Variants in SLCO3A1 observed in about 807,000 individuals in gnomAD.
SLCO3A1 encodes PGE1 transporter.
Under a neutral mutation model 63.1 loss-of-function variants are expected in SLCO3A1, and 27 were observed. The observed-to-expected ratio is 0.43, with a 90% CI of 0.32 to 0.59. The LOEUF is 0.59. Ranked by LOEUF, SLCO3A1 falls within the 20% of genes least tolerant of loss-of-function variation. The pLI is 0.09. For synonymous variants in SLCO3A1, 473 were observed against 409.9 expected (o/e 1.15, Z -1.86); for missense variants, 773 against 945.8 (o/e 0.82, Z 2.40).
intron 2 of SLCO3A1, among the ~76,000 whole-genome samples, chr15:92,091,338 C>A (rs950064447): frequency 6.6e-6 from 1 of 152,214 alleles, no homozygotes; most frequent in African/African-American, 2.4e-5. Flanking sequence ...CGGGCCGCTG[C>A]AGAAGGTTCT....
At chr15:91,869,731 A>C (rs953019030) in intron 1 of SLCO3A1, among the ~76,000 whole-genome samples, 2 of 152,056 alleles carry the variant, frequency 1.3e-5, no homozygotes, top group African/African-American at 4.8e-5. Flanking sequence ...TCATTTGGGA[A>C]GTAGACACCC....
rs62010874 is a variant in SLCO3A1 at position 91,860,800 on chromosome 15, G to A, written c.180+6712G>A. 0.018 allele frequency among the ~76,000 whole-genome samples: 2,684 copies of A among 152,308 alleles called. 28 individuals carry two copies. The highest frequency in any genetic ancestry group is 0.034 in the Middle Eastern group (10 of 294). On this transcript the variant is annotated intron_variant, in intron 1 of 9. Coordinates refer to ENST00000318445, the MANE Select transcript of SLCO3A1 (RefSeq NM_013272.4). This position sits in a 1 kb window ranked among gnomAD's most constrained non-coding sequence, Gnocchi z 5.5. ...ACGTCTTGTCTGCTGCCTTCACCTC[G>A]TGTTCTCTTGCAGTATTAAGTGGAC...
chr15:92,092,606 G>A (rs1007687750), intron 2 of SLCO3A1, among the ~76,000 whole-genome samples: 1 of 152,036 alleles, frequency 6.6e-6, no homozygotes, highest in Admixed American at 6.6e-5. Flanking sequence ...AATCTCTCTG[G>A]TCTAGTGTGG....
intron 2 of SLCO3A1, among the ~76,000 whole-genome samples, chr15:91,927,171 C>G (rs1211805964): frequency 2.6e-5 from 4 of 152,118 alleles, no homozygotes; most frequent in Non-Finnish European, 4.4e-5. Flanking sequence ...CCTCCACTCC[C>G]CCGAAAATTC....
At position 92,125,844 on chromosome 15, in the gene SLCO3A1, CAG is replaced by C. The variant is rs1266787895; in HGVS notation, c.1175-214_1175-213del. Among the ~76,000 whole-genome samples the C allele has an allele frequency of 2.6e-5, 4 of 152,026 alleles. No homozygotes were observed. In the East Asian group the frequency reaches 7.9e-4, roughly 30 times the overall value. On this transcript the variant is annotated intron_variant, in intron 5 of 9. Coordinates refer to ENST00000318445, the MANE Select transcript of SLCO3A1 (RefSeq NM_013272.4). The stretch of plus-strand genomic sequence containing the variant: ...GGTGCGTGCACTTAGATTCATGAAG[CAG>C]AGTTGCTTTATGTCTGTCTCCCCCA...
chr15:92,008,007 T>G (rs1208702586), intron 2 of SLCO3A1, among the ~76,000 whole-genome samples: 1 of 152,162 alleles, frequency 6.6e-6, no homozygotes, highest in Admixed American at 6.5e-5. Flanking sequence ...ATGTCTCCGA[T>G]GGGTCCAGAA....
intron 2 of SLCO3A1, among the ~76,000 whole-genome samples, chr15:92,038,404 T>C (rs1284797844): frequency 6.6e-6 from 1 of 152,074 alleles, no homozygotes; most frequent in Admixed American, 6.5e-5. Flanking sequence ...CATGCAAAAG[T>C]CTCAGGATAC....
chr15:92,120,539 A>G lies in SLCO3A1; in HGVS notation c.1084A>G (p.Ile362Val). The G allele has an allele frequency of 2.5e-6, 4 of 1,613,556 alleles. No homozygotes were observed. Among genetic ancestry groups the G allele is most frequent in the Non-Finnish European group, 3.4e-6 (4 of 1,179,808 alleles). Residue 362 changes from isoleucine to valine, a missense_variant, in exon 5 of 10, where the codon ATT becomes GTT. Physicochemically the swap from Ile to Val is conservative, Grantham distance 29 (BLOSUM62 3). Around this residue, in one of 3 missense-constraint regions of SLCO3A1, gnomAD observed 565 missense variants for 749.8 expected, o/e 0.75. Coordinates refer to ENST00000318445, the MANE Select transcript of SLCO3A1 (RefSeq NM_013272.4). ...TCIILAACMEIAVVAGFAAFL... is the reference protein window; with the variant it reads ...TCIILAACMEVAVVAGFAAFL... The stretch of plus-strand genomic sequence containing the variant: ...CATCATCCTGGCCGCCTGCATGGAG[A>G]TTGCAGTGGTGGCTGGCTTCGCTGC...
At chr15:91,869,992 G>A (rs758062471) in intron 1 of SLCO3A1, among the ~76,000 whole-genome samples, 9 of 152,164 alleles carry the variant, frequency 5.9e-5, no homozygotes, top group African/African-American at 9.7e-5. Flanking sequence ...GGGGAGAAGG[G>A]GGTCAGGGCA....
chr15:92,100,464 C>A (rs1203198717), intron 3 of SLCO3A1, among the ~76,000 whole-genome samples: 1 of 152,186 alleles, frequency 6.6e-6, no homozygotes, highest in Non-Finnish European at 1.5e-5. Flanking sequence ...GTTTTGTTGG[C>A]AATTGAATGC....
At position 91,968,507 on chromosome 15, in the gene SLCO3A1, G is replaced by T. The variant is rs1179899647; in HGVS notation, c.646+52049G>T. 6.6e-6 allele frequency among the ~76,000 whole-genome samples: 1 copy of T among 152,040 alleles called. No homozygotes were observed. The highest frequency in any genetic ancestry group is 6.5e-5 in the Admixed American group (1 of 15,274). ...CTAATTTATCATGTCTTCTCACTAG[G>T]TGAGGTGAATAGGGCTCCACAAACC... On this transcript the variant is annotated intron_variant, in intron 2 of 9. Transcript: ENST00000318445. The surrounding 1 kb of genome is among the most constrained non-coding windows in gnomAD (Gnocchi z 4.2).
At chr15:91,944,063 C>T (rs187791110) in intron 2 of SLCO3A1, among the ~76,000 whole-genome samples, 13 of 152,182 alleles carry the variant, frequency 8.5e-5, no homozygotes, top group Non-Finnish European at 1.8e-4. Flanking sequence ...TAATTACTAG[C>T]AGGATGACCT....
At chr15:92,139,340 T>A (rs2048098461) in intron 7 of SLCO3A1, among the ~76,000 whole-genome samples, 1 of 151,098 alleles carries the variant, frequency 6.6e-6, no homozygotes, top group Non-Finnish European at 1.5e-5. Context: ...TTGATCATGG[T>A]GGATAAGCTT....
chr15:91,912,023 A>G lies in SLCO3A1; in HGVS notation c.181-3970A>G, dbSNP rs1410799031. On this transcript the variant is annotated intron_variant, in intron 1 of 9. Transcript: ENST00000318445. This position sits in a 1 kb window ranked among gnomAD's most constrained non-coding sequence, Gnocchi z 5.0. ...ATTGTAGAAGCCTGATACATACTGC[A>G]TACTTTACATAATAACTTCATATAC... Among the ~76,000 whole-genome samples the G allele has an allele frequency of 6.6e-6, 1 of 151,900 alleles. No individual in the cohort carries two copies. Among genetic ancestry groups the G allele is most frequent in the East Asian group, 1.9e-4 (1 of 5,186 alleles).
chr15:91,997,183 C>T (rs2046201734), intron 2 of SLCO3A1, among the ~76,000 whole-genome samples: 1 of 152,162 alleles, frequency 6.6e-6, no homozygotes, highest in Non-Finnish European at 1.5e-5. Context: ...GTACAAAAAT[C>T]AGTAGCATTT....
intron 7 of SLCO3A1, among the ~76,000 whole-genome samples, chr15:92,145,826 C>T (rs1314819386): frequency 6.6e-6 from 1 of 152,168 alleles, no homozygotes; most frequent in Non-Finnish European, 1.5e-5. Flanking sequence ...TACGTCTGCC[C>T]CCATTCCTTC....
chr15:91,947,629 T>G (rs72754006), intron 2 of SLCO3A1, among the ~76,000 whole-genome samples: 8,867 of 152,312 alleles, frequency 0.058, 367 homozygotes, highest in Non-Finnish European at 0.088. Context: ...TGTCACTTGT[T>G]TAACCCACTT....
chr15:92,060,378 C>T (rs564834332), intron 2 of SLCO3A1, among the ~76,000 whole-genome samples: 58 of 152,106 alleles, frequency 3.8e-4, no homozygotes, highest in Middle Eastern at 3.4e-3. Context: ...TGGCCAACAT[C>T]GCGAAACCCT....
chr15:92,054,152 A>G (rs2046994386), intron 2 of SLCO3A1, among the ~76,000 whole-genome samples: 1 of 152,160 alleles, frequency 6.6e-6, no homozygotes, highest in African/African-American at 2.4e-5. Flanking sequence ...GGGCTCCTTC[A>G]GTTGGCTGCT....
Sources: allele counts gnomAD v4.1 joint callset (sites outside exome capture counted in the v4.1 genomes callset), GRCh38; gene constraint gnomAD v4.1.1; regional missense constraint gnomAD v4.1.1; non-coding constraint Gnocchi (gnomAD v3.1); transcripts MANE v1.5; gene names NCBI Gene and HGNC (gene_info 2026-07-23, HGNC 2026-07-21).